The following EXT1 variants were observed in gnomAD, a reference collection of about 807,000 sequenced individuals.
The protein encoded by EXT1 is exostosin glycosyltransferase 1, also known as exostosin-1.
EXT1 carries 20 observed loss-of-function variants against 82.5 expected under a neutral mutation model. That is an observed-to-expected ratio of 0.24 (90% CI 0.17 to 0.35). The LOEUF (loss-of-function observed/expected upper bound fraction) is 0.35, where lower values mean the gene tolerates loss of function less well. Ranked by LOEUF, EXT1 falls within the 10% of genes least tolerant of loss-of-function variation. The pLI, the probability that EXT1 is intolerant of heterozygous loss-of-function variation, is 1.00. For missense variants in EXT1, 757 were observed against 936.5 expected (o/e 0.81, Z 2.50); for synonymous variants, 348 against 350.8 (o/e 0.99, Z 0.09).
At chr8:117,841,080 G>T (rs568505528) in intron 1 of EXT1, among the ~76,000 whole-genome samples, 1 of 152,182 alleles carries the variant, frequency 6.6e-6, no homozygotes, top group Non-Finnish European at 1.5e-5. Flanking sequence ...GTATCCCAGA[G>T]AAATGGAAAC....
chr8:117,810,152 C>G (rs1232907470), intron 8 of EXT1, among the ~76,000 whole-genome samples: 1 of 152,232 alleles, frequency 6.6e-6, no homozygotes, highest in African/African-American at 2.4e-5. Context: ...TGAGCAGCGT[C>G]TGCAGCAATC....
At chr8:117,852,252 T>C (rs1812468637) in intron 1 of EXT1, among the ~76,000 whole-genome samples, 1 of 152,196 alleles carries the variant, frequency 6.6e-6, no homozygotes, top group South Asian at 2.1e-4. Flanking sequence ...TTTTTGGAGA[T>C]GTCCCATTGG....
intron 1 of EXT1, among the ~76,000 whole-genome samples, chr8:118,048,320 A>ACCATCC (rs1490250183): frequency 6.6e-6 from 1 of 152,180 alleles, no homozygotes; most frequent in Non-Finnish European, 1.5e-5. Context: ...ACACACTCCA[A>ACCATCC]CCATCCCACA....
chr8:117,800,105 A>G (rs1250133358), intron 10 of EXT1, among the ~76,000 whole-genome samples: 1 of 152,176 alleles, frequency 6.6e-6, no homozygotes, highest in Non-Finnish European at 1.5e-5. Flanking sequence ...AGTGTTAAAA[A>G]CACAAAAACA....
intron 10 of EXT1, among the ~76,000 whole-genome samples, chr8:117,800,676 A>G (rs1438311301): frequency 6.6e-6 from 1 of 152,160 alleles, no homozygotes; most frequent in Non-Finnish European, 1.5e-5. Flanking sequence ...AAAACCCCCA[A>G]AGGTTACTTT....
chr8:117,903,466 T>C (rs1280193942), intron 1 of EXT1, among the ~76,000 whole-genome samples: 1 of 152,192 alleles, frequency 6.6e-6, no homozygotes, highest in African/African-American at 2.4e-5. Context: ...TATTAGAACA[T>C]TGTATAAGTT....
intron 1 of EXT1, among the ~76,000 whole-genome samples, chr8:117,911,007 G>A (rs941075118): frequency 3.3e-5 from 5 of 152,134 alleles, no homozygotes; most frequent in African/African-American, 2.4e-5. Context: ...CTCTAGAGTC[G>A]AGCTGTCCAA....
intron 1 of EXT1, among the ~76,000 whole-genome samples, chr8:117,870,579 G>T (rs1230179801): frequency 6.6e-6 from 1 of 150,504 alleles, no homozygotes; most frequent in East Asian, 1.9e-4. Flanking sequence ...ACCCTAGAGT[G>T]AATTGTGGAC....
intron 1 of EXT1, among the ~76,000 whole-genome samples, chr8:118,049,400 A>C (rs1315297402): frequency 1.3e-5 from 2 of 152,182 alleles, no homozygotes; most frequent in African/African-American, 4.8e-5. Flanking sequence ...CATTTTCCTG[A>C]ATAAGCAGCA....
chr8:118,033,265 A>C (rs116811198), intron 1 of EXT1, among the ~76,000 whole-genome samples: 53 of 152,310 alleles, frequency 3.5e-4, no homozygotes, highest in African/African-American at 1.2e-3. Flanking sequence ...AACATGCAGA[A>C]GTCTTTTGTA....
intron 1 of EXT1, among the ~76,000 whole-genome samples, chr8:117,955,728 G>A (rs1477660397): frequency 3.3e-5 from 5 of 152,198 alleles, no homozygotes; most frequent in Middle Eastern, 3.4e-3. Context: ...GCTAATCTTC[G>A]TATTTTTAGT....
intron 1 of EXT1, among the ~76,000 whole-genome samples, chr8:118,064,261 T>C (rs4876787): frequency 0.078 from 11,896 of 152,242 alleles, 647 homozygotes; most frequent in Non-Finnish European, 0.12. Context: ...ACACATGCCA[T>C]GGTGGTTTGC....
intron 7 of EXT1, among the ~76,000 whole-genome samples, chr8:117,814,386 T>C (rs1477042490): frequency 6.6e-6 from 1 of 152,124 alleles, no homozygotes; most frequent in Admixed American, 6.5e-5. Flanking sequence ...ATAAGAATGC[T>C]GACACCATAA....
At chr8:118,039,850 A>C (rs1405895417) in intron 1 of EXT1, among the ~76,000 whole-genome samples, 1 of 152,214 alleles carries the variant, frequency 6.6e-6, no homozygotes, top group African/African-American at 2.4e-5. Flanking sequence ...AAACAAGTAC[A>C]TAAACAAAAT....
chr8:117,901,573 ATAACT>A (rs563623782), intron 1 of EXT1, among the ~76,000 whole-genome samples: 19 of 152,322 alleles, frequency 1.2e-4, no homozygotes, highest in East Asian at 3.9e-4. Flanking sequence ...TTTTTCAATA[ATAACT>A]TAGCTTACTG....
At chr8:117,913,944 C>A (rs1300376439) in intron 1 of EXT1, among the ~76,000 whole-genome samples, 3 of 152,218 alleles carry the variant, frequency 2.0e-5, no homozygotes, top group Non-Finnish European at 4.4e-5. Flanking sequence ...CAGGCTTTAG[C>A]TCTAAAGTTC....
intron 3 of EXT1, among the ~76,000 whole-genome samples, chr8:117,834,060 G>A (rs1415356301): frequency 1.3e-5 from 2 of 152,066 alleles, no homozygotes; most frequent in Non-Finnish European, 2.9e-5. Context: ...TTGTATTCAG[G>A]GCAGAATAAC....
At chr8:117,802,415 G>C (rs1047613377) in intron 10 of EXT1, among the ~76,000 whole-genome samples, 1 of 152,122 alleles carries the variant, frequency 6.6e-6, no homozygotes, top group African/African-American at 2.4e-5. Flanking sequence ...GATGACTATT[G>C]TCCCATATAC....
At chr8:118,075,766 G>C (rs573394752) in intron 1 of EXT1, among the ~76,000 whole-genome samples, 7 of 152,182 alleles carry the variant, frequency 4.6e-5, no homozygotes, top group South Asian at 2.1e-4. Flanking sequence ...GGGGGAACAG[G>C]CATCTCACAT....
Sources: allele counts gnomAD v4.1 joint callset (sites outside exome capture counted in the v4.1 genomes callset), GRCh38; gene constraint gnomAD v4.1.1; transcripts MANE v1.5; gene names NCBI Gene and HGNC (gene_info 2026-07-23, HGNC 2026-07-21).